The following WBP2NL variants were observed in gnomAD, a reference collection of about 807,000 sequenced individuals.
The protein encoded by WBP2NL is WBP2 N-terminal like.
WBP2NL carries 27 observed loss-of-function variants against 23.3 expected under a neutral mutation model. That is an observed-to-expected ratio of 1.16 (90% CI 0.85 to 1.60). The LOEUF (loss-of-function observed/expected upper bound fraction) is 1.60. Among genes scored for constraint, WBP2NL ranks in the 40% most tolerant of loss-of-function variants. The probability of loss-of-function intolerance (pLI) is 0.00; values close to 1 mark genes in which losing one functional copy is unlikely to be tolerated. For missense variants in WBP2NL, 370 were observed against 389.5 expected (o/e 0.95, Z 0.42); for synonymous variants, 151 against 145.9 (o/e 1.03, Z -0.25).
chr22:42,016,055 C>G (rs1360534172), intron 1 of WBP2NL, among the ~76,000 whole-genome samples: 1 of 151,980 alleles, frequency 6.6e-6, no homozygotes, highest in Non-Finnish European at 1.5e-5. Flanking sequence ...GATCTTGGCT[C>G]ACTGCAAACT....
At chr22:42,058,257 T>C (rs1196913506) in intron 8 of WBP2NL, 2 of 151,856 alleles carry the variant, frequency 1.3e-5, no homozygotes, top group South Asian at 4.1e-4. Flanking sequence ...AGAGACATAG[T>C]GGTTTTTAGG....
intron 5 of WBP2NL, among the ~76,000 whole-genome samples, chr22:42,023,495 T>A (rs961513191): frequency 2.7e-5 from 4 of 149,798 alleles, no homozygotes; most frequent in African/African-American, 9.9e-5. Context: ...TCTGGCAGCC[T>A]TTTTTGTTTT....
intron 8 of WBP2NL, among the ~76,000 whole-genome samples, chr22:42,038,277 T>C (rs772362813): frequency 7.2e-5 from 11 of 152,250 alleles, no homozygotes; most frequent in Non-Finnish European, 1.0e-4. Context: ...ATTTACTACA[T>C]TGGTTGATTT....
chr22:42,050,282 G>C (rs980726279), intron 8 of WBP2NL, among the ~76,000 whole-genome samples: 3 of 151,954 alleles, frequency 2.0e-5, no homozygotes, highest in African/African-American at 7.3e-5. Flanking sequence ...GACAGAGGGA[G>C]ACCCTGTCTC....
rs751518880 is a variant in WBP2NL, at chr22:42,027,136, C to T, written c.885C>T (p.Asn295=). The change falls in exon 6 of 6, where the codon AAC becomes AAT. Residue 295 remains asparagine (N), a synonymous_variant. Transcript: ENST00000328823. ...QESTAAQAPE[N]EASLPSASSS... ...CTACAGCAGCCCAGGCTCCTGAAAA[C>T]GAGGCTTCTCTTCCCTCTGCCTCCT... The T allele has an allele frequency of 3.1e-6, 5 of 1,614,008 alleles. No homozygotes were observed. The highest frequency in any genetic ancestry group is 1.1e-5 in the South Asian group (1 of 91,092).
rs984381821 is a variant in WBP2NL at position 42,027,775 on chromosome 22, A to C, written c.*594A>C. The stretch of plus-strand genomic sequence containing the variant: ...TAAAACTTCTCTATGACAGAAGTTA[A>C]AAGATAGGCAACAGAATAGGAAAAA... On this transcript the variant is annotated 3_prime_UTR_variant, in exon 6 of 6. Transcript: ENST00000328823. 2.0e-5 allele frequency: 8 copies of C among 392,782 alleles called. No individual in the cohort carries two copies. Among genetic ancestry groups the C allele is most frequent in the African/African-American group, 1.4e-4 (7 of 48,558 alleles). 24.3% of individuals were successfully genotyped at this position (392,782 alleles called of 1,614,324 possible).
chr22:42,036,459 C>G (rs1693411492), downstream of WBP2NL, among the ~76,000 whole-genome samples: 2 of 152,226 alleles, frequency 1.3e-5, no homozygotes, highest in South Asian at 4.1e-4. Context: ...CGGGCGTGAG[C>G]CACCGTGCCC....
chr22:42,001,735 T>C, intron 1 of WBP2NL: 1 of 1,200,320 alleles, frequency 8.3e-7, no homozygotes, highest in Admixed American at 1.7e-5. Flanking sequence ...AAGTATCTGA[T>C]GACACTGGCC....
chr22:42,037,341 G>A (rs1925221946), downstream of WBP2NL, among the ~76,000 whole-genome samples: 1 of 152,214 alleles, frequency 6.6e-6, no homozygotes, highest in East Asian at 1.9e-4. Context: ...CTATTTTGGT[G>A]ATAGCTTTGT....
rs572686268 is a variant in WBP2NL, at chr22:42,008,088, C to CTTCCTTTCCTTTCCT, written c.62+9226_62+9240dup. ...TGTTTTTCTTCTCTTCTCTTCTCCTCTTCCTTTCCTTTCCTTTCCTTTCCT... is the reference window on the plus strand; with the variant it reads ...TGTTTTTCTTCTCTTCTCTTCTCCTCTTCCTTTCCTTTCCTTTCCTTTCCTTTCCTTTCCTTTCCT... On this transcript the variant is annotated intron_variant, in intron 1 of 5. Coordinates refer to ENST00000328823, the MANE Select transcript of WBP2NL (RefSeq NM_152613.3). 3.1e-3 allele frequency among the ~76,000 whole-genome samples: 384 copies of CTTCCTTTCCTTTCCT among 123,876 alleles called. 56 individuals carry two copies. In the East Asian group the frequency reaches 0.044, roughly 14 times the overall value. The allele number at this position is 123,876 out of a possible 152,430, so 81.3% of individuals were successfully genotyped here.
chr22:42,026,633 A>T, intron 5 of WBP2NL, 133 bp from the exon 6 acceptor site: 2 of 1,397,108 alleles, frequency 1.4e-6, no homozygotes, highest in Non-Finnish European at 1.9e-6. Context: ...TAGAGGAAAT[A>T]GCTTTAGCAT....
intron 4 of WBP2NL, among the ~76,000 whole-genome samples, chr22:42,020,609 A>C (rs1323947500): frequency 6.6e-6 from 1 of 151,900 alleles, no homozygotes; most frequent in African/African-American, 2.4e-5. Flanking sequence ...GTCCATTTAA[A>C]CACTGACCTC....
chr22:42,020,007 G>T lies in WBP2NL; in HGVS notation c.317G>T (p.Gly106Val). Reference sequence around the variant, plus strand: ...TGTGTGCCATTTCTTCCCCCAGGTGGCTGGGAAGGACAAGCTACTTTTAAA... The same window carrying T: ...TGTGTGCCATTTCTTCCCCCAGGTGTCTGGGAAGGACAAGCTACTTTTAAA... ...KGTIQAAPYG[G>V]WEGQATFKLV... Residue 106 changes from glycine to valine, a missense_variant, in exon 4 of 6, where the codon GGC (glycine) becomes GTC (valine). Coordinates refer to ENST00000328823, the MANE Select transcript of WBP2NL (RefSeq NM_152613.3). 1 of 1,613,570 alleles carries T rather than the reference G, an allele frequency of 6.2e-7. No homozygotes were observed.
chr22:42,034,259 G>T (rs1251588853), downstream of WBP2NL, among the ~76,000 whole-genome samples: 7 of 152,216 alleles, frequency 4.6e-5, no homozygotes, highest in Admixed American at 4.6e-4. Flanking sequence ...AATCACGTAG[G>T]TTCTTTTCTA....
intron 8 of WBP2NL, among the ~76,000 whole-genome samples, chr22:42,041,511 T>C (rs1925399596): frequency 6.6e-6 from 1 of 150,650 alleles, no homozygotes; most frequent in Non-Finnish European, 1.5e-5. Flanking sequence ...AAAAGTCTGT[T>C]TTGTCTGATA....
chr22:42,020,852 A>G lies in WBP2NL; in HGVS notation c.406+756A>G, dbSNP rs543103305. On this transcript the variant is annotated intron_variant, in intron 4 of 5. Coordinates refer to ENST00000328823, the MANE Select transcript of WBP2NL (RefSeq NM_152613.3). ...TACAAATAATTTTTTTATCTCATAT[A>G]TGTGTGTGTGTGTGTGTATATATAT... Among the ~76,000 whole-genome samples, 6 of 19,884 alleles carry G rather than the reference A, an allele frequency of 3.0e-4. No homozygotes were observed. The South Asian group carries it at 9.6e-3, about 32-fold the overall frequency. The allele number at this position is 19,884 out of a possible 152,430, so 13.0% of individuals were successfully genotyped here. A position where few individuals can be genotyped will look rare whatever the true frequency, so the allele number is the denominator to read the frequency against.
chr22:42,047,769 A>C (rs150459073), intron 8 of WBP2NL, among the ~76,000 whole-genome samples: 9 of 141,006 alleles, frequency 6.4e-5, no homozygotes, highest in African/African-American at 1.3e-4. Flanking sequence ...CTATAGGCGC[A>C]TGCCACCACA....
At chr22:42,031,309 A>G (rs1924929502), downstream of WBP2NL, 3 of 152,194 alleles carry the variant, frequency 2.0e-5, no homozygotes, top group South Asian at 6.2e-4. Context: ...TGCTGAGGAC[A>G]AATCCAGTCA....
chr22:42,018,252 T>C (rs1602455525), intron 1 of WBP2NL, among the ~76,000 whole-genome samples: 1 of 142,832 alleles, frequency 7.0e-6, no homozygotes, highest in Non-Finnish European at 1.5e-5. Flanking sequence ...GAGGTGGAGG[T>C]TGGTGAGCAG....
Sources: allele counts gnomAD v4.1 joint callset (sites outside exome capture counted in the v4.1 genomes callset), GRCh38; gene constraint gnomAD v4.1.1; transcripts MANE v1.5; gene names NCBI Gene and HGNC (gene_info 2026-07-23, HGNC 2026-07-21).